AKAP9: variants seen among roughly 807,000 people sequenced by gnomAD.
AKAP9 encodes the protein A-kinase anchor protein 9.
Under a neutral mutation model 488.5 loss-of-function variants are expected in AKAP9, and 311 were observed. The ratio of observed to expected loss-of-function variants is 0.64; its 90% confidence interval spans 0.58 to 0.70. The LOEUF (loss-of-function observed/expected upper bound fraction) is 0.70. Among genes scored for constraint, AKAP9 ranks in the 30% least tolerant of loss-of-function variants. The probability of loss-of-function intolerance (pLI) is 0.00; values close to 1 mark genes in which losing one functional copy is unlikely to be tolerated. For synonymous variants in AKAP9, 1,462 were observed against 1,483.5 expected, an observed-to-expected ratio of 0.99 and a Z score of 0.33; for missense variants, 4,215 against 4,374.5, an observed-to-expected ratio of 0.96 and a Z score of 1.03.
chr7:91,990,720 A>G (rs370318594), intron 3 of AKAP9, among the ~76,000 whole-genome samples: 3 of 152,316 alleles, frequency 2.0e-5, no homozygotes, highest in East Asian at 3.9e-4. Flanking sequence ...ACAAACTGAT[A>G]ACTGATAACT....
At chr7:91,948,580 G>A (rs1194764463) in intron 1 of AKAP9, among the ~76,000 whole-genome samples, 1 of 143,012 alleles carries the variant, frequency 7.0e-6, no homozygotes, top group Admixed American at 7.0e-5. Context: ...ATCTTTTAAT[G>A]CACTTTTTGG....
intron 44 of AKAP9, chr7:92,100,123 A>G: frequency 2.6e-6 from 1 of 389,190 alleles, no homozygotes; most frequent in Non-Finnish European, 4.8e-6. Flanking sequence ...CATCCACCTT[A>G]TACCTGAGAA....
intron 19 of AKAP9, 46 bp from the exon 20 acceptor site, chr7:92,042,622 T>G: frequency 7.1e-7 from 1 of 1,400,212 alleles, no homozygotes; most frequent in Non-Finnish European, 1.0e-6. Context: ...AGTTGACAGG[T>G]TTTCTTTCTG....
At chr7:92,023,305 T>C (rs1802596646) in intron 14 of AKAP9, among the ~76,000 whole-genome samples, 1 of 152,220 alleles carries the variant, frequency 6.6e-6, no homozygotes, top group African/African-American at 2.4e-5. Context: ...ATTTGCAGTT[T>C]ATTCTGTACC....
Position 91,973,978 on chromosome 7 carries a change from C to T in AKAP9, c.306+10C>T, listed in dbSNP as rs1326456726. On this transcript the variant is annotated intron_variant, in intron 2 of 49. Coordinates refer to ENST00000356239, the MANE Select transcript of AKAP9 (RefSeq NM_005751.5). ...GGGCTTCTCTGTGGAAGTAAGTATT[C>T]TCCCAGATTTTTAATCATTATGGTT... The T allele has an allele frequency of 1.9e-6, 3 of 1,613,608 alleles. No homozygotes were observed. Among genetic ancestry groups the T allele is most frequent in the Non-Finnish European group, 1.7e-6 (2 of 1,179,782 alleles).
chr7:91,985,200 A>G (rs541185447), intron 3 of AKAP9, among the ~76,000 whole-genome samples: 2 of 152,306 alleles, frequency 1.3e-5, no homozygotes, highest in African/African-American at 4.8e-5. Flanking sequence ...TCAGTTTTCA[A>G]AGGGAATGCT....
chr7:92,064,786 G>A (rs1201664723), intron 24 of AKAP9, among the ~76,000 whole-genome samples: 1 of 152,122 alleles, frequency 6.6e-6, no homozygotes, highest in Non-Finnish European at 1.5e-5. Flanking sequence ...GATTTACAGT[G>A]TTTGATCTTC....
At chr7:91,988,708 C>T (rs1797403280) in intron 3 of AKAP9, among the ~76,000 whole-genome samples, 1 of 152,082 alleles carries the variant, frequency 6.6e-6, no homozygotes, top group Admixed American at 6.6e-5. Context: ...AGCAGGGGGA[C>T]TTTGGAGCCA....
chr7:92,067,319 C>T (rs936034219), intron 26 of AKAP9, among the ~76,000 whole-genome samples: 1 of 152,102 alleles, frequency 6.6e-6, no homozygotes, highest in Non-Finnish European at 1.5e-5. Context: ...ATTAACATGT[C>T]CAAAAGAAAG....
chr7:91,980,179 G>T lies in AKAP9; in HGVS notation c.307-110G>T. ...AGTAATTTTTACTAGTTTTTTAGTGGTATTTTATGTGACTTTTCTATCATA... is the reference window on the plus strand; with the variant it reads ...AGTAATTTTTACTAGTTTTTTAGTGTTATTTTATGTGACTTTTCTATCATA... On this transcript the variant is annotated intron_variant, in intron 2 of 49. Transcript: ENST00000356239. 7.0e-6 allele frequency: 4 copies of T among 575,412 alleles called. No individual in the cohort carries two copies. In the South Asian group the frequency reaches 8.8e-5, roughly 13 times the overall value. The allele number at this position is 575,412 out of a possible 1,614,324, so 35.6% of individuals were successfully genotyped here. A position where few individuals can be genotyped will look rare whatever the true frequency, so the allele number is the denominator to read the frequency against.
intron 1 of AKAP9, among the ~76,000 whole-genome samples, chr7:91,963,927 A>G (rs1266711004): frequency 6.6e-6 from 1 of 152,116 alleles, no homozygotes; most frequent in Non-Finnish European, 1.5e-5. Context: ...TTATATTAAT[A>G]CTAGTAGTAT....
At chr7:92,024,075 A>C (rs974787403) in intron 14 of AKAP9, among the ~76,000 whole-genome samples, 1 of 151,754 alleles carries the variant, frequency 6.6e-6, no homozygotes, top group Non-Finnish European at 1.5e-5. Context: ...TTGTCTATTT[A>C]TATGTATGTA....
intron 5 of AKAP9, among the ~76,000 whole-genome samples, chr7:91,994,159 G>T (rs1798109176): frequency 6.6e-6 from 1 of 152,080 alleles, no homozygotes; most frequent in Non-Finnish European, 1.5e-5. Context: ...ATGTCAGTGG[G>T]TCCTTGTAAG....
chr7:92,035,265 A>G (rs558240570), intron 16 of AKAP9, among the ~76,000 whole-genome samples: 3 of 152,318 alleles, frequency 2.0e-5, no homozygotes, highest in African/African-American at 7.2e-5. Context: ...TGATTTTCAG[A>G]TAGCTTCCCA....
intron 1 of AKAP9, among the ~76,000 whole-genome samples, chr7:91,949,133 T>C (rs34043009): frequency 0.59 from 88,877 of 151,438 alleles, 26,541 homozygotes; most frequent in East Asian, 0.83. Flanking sequence ...TTCTTTTATC[T>C]AATATTAATT....
In AKAP9 at chr7:92,014,276, T is replaced by A. The variant is rs143580254; in HGVS notation, c.3560T>A (p.Leu1187His). Residue 1187 changes from leucine (L) to histidine (H), a missense_variant, in exon 10 of 50, where the codon CTC (leucine) becomes CAC (histidine). Coordinates refer to ENST00000356239, the MANE Select transcript of AKAP9 (RefSeq NM_005751.5). Reference sequence around the variant, plus strand: ...GATGAAGGAAAGCCTTTACATCTGCTCATTGGAAAACTTCAAAAGGCAGTG... The same window carrying A: ...GATGAAGGAAAGCCTTTACATCTGCACATTGGAAAACTTCAAAAGGCAGTG... ...TGDEGKPLHL[L>H]IGKLQKAVSE... 1 of 1,613,280 alleles carries A rather than the reference T, an allele frequency of 6.2e-7. No individual in the cohort carries two copies. Among genetic ancestry groups the A allele is most frequent in the Non-Finnish European group, 8.5e-7 (1 of 1,179,426 alleles).
At position 92,079,536 on chromosome 7, in the gene AKAP9, T is replaced by C. The variant is rs775096111; in HGVS notation, c.7403T>C (p.Val2468Ala). ...AAAGACAAACCTGAACTAGAAGTAG[T>C]CCTTACAGAGGATGCTCTTAAATCC... ...LSKDKPELEV[V>A]LTEDALKSLE... The change falls in exon 31 of 50, where the codon GTC becomes GCC. Residue 2468 changes from valine to alanine, a missense_variant. Physicochemically the swap from Val to Ala is moderately conservative, Grantham distance 64 (BLOSUM62 0). Transcript: ENST00000356239. The C allele has an allele frequency of 1.2e-6, 2 of 1,613,806 alleles. No homozygotes were observed. Among genetic ancestry groups the C allele is most frequent in the African/African-American group, 1.3e-5 (1 of 75,042 alleles).
At position 92,100,985 on chromosome 7, in the gene AKAP9, CTG is replaced by C; in HGVS notation, c.11027_11028del (p.Leu3676GlnfsTer3). On this transcript the variant is annotated frameshift_variant, in exon 45 of 50. Transcript: ENST00000356239. LOFTEE classifies it high-confidence loss of function. ...AAGGGCAGAGGCTGAAGTATACAAA[CTG>C]AAAGCTGAACTAAGAAATGACTCTT... ...LKRAEAEVYK[L>X]KAELRNDSLL... The C allele has an allele frequency of 6.2e-7, 1 of 1,614,142 alleles. No individual in the cohort carries two copies.
chr7:92,103,951 T>G (rs1161569112), intron 46 of AKAP9, among the ~76,000 whole-genome samples: 3 of 152,042 alleles, frequency 2.0e-5, no homozygotes, highest in Non-Finnish European at 2.9e-5. Context: ...CTTTCTCTAG[T>G]AATTCCAAGC....
Sources: allele counts gnomAD v4.1 joint callset (sites outside exome capture counted in the v4.1 genomes callset), GRCh38; gene constraint gnomAD v4.1.1; transcripts MANE v1.5; gene names NCBI Gene and HGNC (gene_info 2026-07-23, HGNC 2026-07-21).